Variants in HHAT observed in about 807,000 individuals in gnomAD.
HHAT encodes protein-cysteine N-palmitoyltransferase HHAT.
HHAT carries 47 observed loss-of-function variants against 70.8 expected under a neutral mutation model. That is an observed-to-expected ratio of 0.66 (90% CI 0.53 to 0.85). The LOEUF (loss-of-function observed/expected upper bound fraction) is 0.85. Among genes scored for constraint, HHAT ranks in the 40% least tolerant of loss-of-function variants. The pLI, the probability that HHAT is intolerant of heterozygous loss-of-function variation, is 0.00. For missense variants in HHAT, 609 were observed against 604.8 expected (o/e 1.01, Z -0.07); for synonymous variants, 228 against 247.6 (o/e 0.92, Z 0.74).
chr1:210,434,586 CTT>C (rs2093332014), intron 7 of HHAT, among the ~76,000 whole-genome samples: 1 of 151,818 alleles, frequency 6.6e-6, no homozygotes, highest in Non-Finnish European at 1.5e-5. Context: ...ACACACATCT[CTT>C]TCCCCAAGTA....
intron 11 of HHAT, among the ~76,000 whole-genome samples, chr1:210,662,046 C>A (rs527697708): frequency 6.6e-6 from 1 of 152,198 alleles, no homozygotes; most frequent in African/African-American, 2.4e-5. Context: ...TTATCTTATT[C>A]AATTTTAACT....
At chr1:210,429,304 T>A (rs1315172091) in intron 7 of HHAT, among the ~76,000 whole-genome samples, 4 of 151,850 alleles carry the variant, frequency 2.6e-5, no homozygotes, top group African/African-American at 9.7e-5. Context: ...CTTCACATTT[T>A]CCTAGTTGTC....
chr1:210,651,338 T>C (rs1675093385), intron 11 of HHAT, among the ~76,000 whole-genome samples: 1 of 152,088 alleles, frequency 6.6e-6, no homozygotes, highest in Non-Finnish European at 1.5e-5. Flanking sequence ...AGGGATTTGA[T>C]ATGGGGAATT....
At chr1:210,410,447 GT>G (rs34599460) in intron 6 of HHAT, among the ~76,000 whole-genome samples, 5,144 of 119,292 alleles carry the variant, frequency 0.043, 143 homozygotes, top group Non-Finnish European at 0.064. Flanking sequence ...AAAACCTTTT[GT>G]TTTTTTTTTT....
chr1:210,584,334 C>T (rs147493809), intron 9 of HHAT, among the ~76,000 whole-genome samples: 4,398 of 152,152 alleles, frequency 0.029, 97 homozygotes, highest in Non-Finnish European at 0.042. Flanking sequence ...ATAAAACAGC[C>T]ATCTGTACAG....
chr1:210,381,281 T>A (rs1423464602), intron 3 of HHAT, among the ~76,000 whole-genome samples: 2 of 150,818 alleles, frequency 1.3e-5, no homozygotes, highest in Non-Finnish European at 3.0e-5. Context: ...TAAAAAAATT[T>A]TTTACTTTTA....
chr1:210,411,163 C>A (rs1484113487), intron 6 of HHAT, among the ~76,000 whole-genome samples: 2 of 152,086 alleles, frequency 1.3e-5, no homozygotes, highest in African/African-American at 4.8e-5. Flanking sequence ...GCGATATTTT[C>A]TTGATTATCT....
chr1:210,533,979 G>A (rs1489349184), intron 9 of HHAT, among the ~76,000 whole-genome samples: 1 of 152,226 alleles, frequency 6.6e-6, no homozygotes, highest in African/African-American at 2.4e-5. Flanking sequence ...GTGGAAGATG[G>A]CGTTAGGCAG....
chr1:210,609,541 T>C (rs983646969), intron 10 of HHAT, among the ~76,000 whole-genome samples: 1 of 152,200 alleles, frequency 6.6e-6, no homozygotes, highest in African/African-American at 2.4e-5. Context: ...GGGGTACATG[T>C]GCAGGATGTG....
chr1:210,366,806 C>T (rs956048104), intron 3 of HHAT, among the ~76,000 whole-genome samples: 6 of 152,156 alleles, frequency 3.9e-5, no homozygotes, highest in Non-Finnish European at 8.8e-5. Flanking sequence ...TCCTGTTCCT[C>T]TTCTGGATTG....
At chr1:210,524,695 A>C (rs183925048) in intron 9 of HHAT, among the ~76,000 whole-genome samples, 3 of 152,282 alleles carry the variant, frequency 2.0e-5, no homozygotes, top group Admixed American at 1.3e-4. Context: ...TGACAGACTT[A>C]GGTGGGAATC....
At chr1:210,460,527 G>GT (rs1472421006) in intron 7 of HHAT, among the ~76,000 whole-genome samples, 1 of 152,108 alleles carries the variant, frequency 6.6e-6, no homozygotes, top group Non-Finnish European at 1.5e-5. Flanking sequence ...TGTCCTCGGG[G>GT]TGTGGGTATT....
chr1:210,584,706 G>A lies in HHAT; in HGVS notation c.1044-3192G>A, dbSNP rs538698469. Among the ~76,000 whole-genome samples the A allele has an allele frequency of 2.1e-4, 32 of 152,226 alleles. No individual in the cohort carries two copies. The South Asian group carries it at 5.8e-3, about 28-fold the overall frequency. On this transcript the variant is annotated intron_variant, in intron 9 of 11. Transcript: ENST00000261458. ...TGGCCTTGTCAGAATGAGAGCCTTC[G>A]CCCTTCAGCCTCCTTTGCCCCACTG...
At chr1:210,458,254 G>T (rs945682541) in intron 7 of HHAT, among the ~76,000 whole-genome samples, 4 of 152,100 alleles carry the variant, frequency 2.6e-5, no homozygotes, top group Non-Finnish European at 5.9e-5. Flanking sequence ...GTGGGATAGG[G>T]TAGTAAAAAT....
chr1:210,571,799 A>G (rs1432201555), intron 9 of HHAT, among the ~76,000 whole-genome samples: 1 of 152,238 alleles, frequency 6.6e-6, no homozygotes, highest in African/African-American at 2.4e-5. Flanking sequence ...ATTTCTTATG[A>G]CTTTATTGCA....
At chr1:210,550,619 C>G (rs1298553372) in intron 9 of HHAT, among the ~76,000 whole-genome samples, 1 of 148,846 alleles carries the variant, frequency 6.7e-6, no homozygotes, top group African/African-American at 2.5e-5. Flanking sequence ...ACTGTTAACC[C>G]CACCAAAACT....
rs2095330183 is a variant in HHAT at position 210,532,936 on chromosome 1, C to T, written c.1043+19748C>T. ...CAATATTTATAATGGAAAAATGAGGCTTGGGTTCATATTCTATTTACTGAG... is the reference window on the plus strand; with the variant it reads ...CAATATTTATAATGGAAAAATGAGGTTTGGGTTCATATTCTATTTACTGAG... On this transcript the variant is annotated intron_variant, in intron 9 of 11. Coordinates refer to ENST00000261458, the MANE Select transcript of HHAT (RefSeq NM_018194.6). 2.0e-5 allele frequency among the ~76,000 whole-genome samples: 3 copies of T among 152,300 alleles called. No individual in the cohort carries two copies. The South Asian group carries it at 6.2e-4, about 32-fold the overall frequency.
chr1:210,613,056 C>T (rs1056637481), intron 10 of HHAT, among the ~76,000 whole-genome samples: 2 of 152,014 alleles, frequency 1.3e-5, no homozygotes, highest in African/African-American at 2.4e-5. Context: ...TTCTCCCATT[C>T]CTGGGTTGTC....
chr1:210,574,290 G>A (rs1657102638), intron 9 of HHAT, among the ~76,000 whole-genome samples: 1 of 152,216 alleles, frequency 6.6e-6, no homozygotes, highest in Non-Finnish European at 1.5e-5. Flanking sequence ...GCCTTCTGTG[G>A]CTGGGGGATG....
Sources: gnomAD v4.1 joint callset for allele counts (sites outside exome capture counted in the v4.1 genomes callset) on GRCh38, gnomAD v4.1.1 for gene constraint, MANE v1.5 for transcripts, NCBI Gene and HGNC (gene_info 2026-07-23, HGNC 2026-07-21) for gene names.